Variants in TM4SF4 observed in about 807,000 individuals in gnomAD.
TM4SF4 encodes transmembrane 4 L6 family member 4.
A neutral mutation model predicts 24.1 loss-of-function variants in TM4SF4; 24 were observed. That is an observed-to-expected ratio of 1.00 (90% CI 0.72 to 1.40). The LOEUF (loss-of-function observed/expected upper bound fraction) is 1.40, where lower values mean the gene tolerates loss of function less well. Among genes scored for constraint, TM4SF4 ranks in the 40% most tolerant of loss-of-function variants. The probability of loss-of-function intolerance (pLI) is 0.00; values close to 1 mark genes in which losing one functional copy is unlikely to be tolerated. For synonymous variants in TM4SF4, 113 were observed against 97.0 expected, an observed-to-expected ratio of 1.17 and a Z score of -0.97; for missense variants, 254 against 254.2, an observed-to-expected ratio of 1.00 and a Z score of 0.01.
At chr3:149,480,210 G>A (rs1256768477) in intron 2 of TM4SF4, among the ~76,000 whole-genome samples, 1 of 152,110 alleles carries the variant, frequency 6.6e-6, no homozygotes, top group East Asian at 1.9e-4. Flanking sequence ...TGGCTTCTTG[G>A]CAGCATGTCG....
intron 2 of TM4SF4, among the ~76,000 whole-genome samples, chr3:149,486,324 A>T (rs1254362939): frequency 2.0e-5 from 3 of 152,220 alleles, no homozygotes; most frequent in Non-Finnish European, 4.4e-5. Context: ...GGACACATTC[A>T]TTATGCAAAG....
At chr3:149,475,614 C>G (rs911863214) in intron 1 of TM4SF4, among the ~76,000 whole-genome samples, 12 of 152,196 alleles carry the variant, frequency 7.9e-5, no homozygotes, top group African/African-American at 2.7e-4. Context: ...ATTTTGAAAT[C>G]TTGCCTCATT....
chr3:149,486,768 A>G (rs1217292230), intron 2 of TM4SF4, among the ~76,000 whole-genome samples: 2 of 152,204 alleles, frequency 1.3e-5, no homozygotes, highest in Non-Finnish European at 2.9e-5. Context: ...TGTCAAGGCA[A>G]TCTTCAGATA....
chr3:149,484,959 T>C lies in TM4SF4; in HGVS notation c.265-2660T>C, dbSNP rs191195090. On this transcript the variant is annotated intron_variant, in intron 2 of 4. Coordinates refer to ENST00000305354, the MANE Select transcript of TM4SF4 (RefSeq NM_004617.4). ...TTTTATAATAATTAATAAATATGTG[T>C]TAAGAAAAAATTTTTAACACAATTC... Among the ~76,000 whole-genome samples the C allele has an allele frequency of 3.5e-3, 533 of 152,296 alleles. 5 individuals carry two copies. Among genetic ancestry groups the C allele is most frequent in the African/African-American group, 0.012 (518 of 41,560 alleles).
At chr3:149,487,868 G>T in intron 3 of TM4SF4, 113 bp downstream of exon 3, 9 of 1,429,150 alleles carry the variant, frequency 6.3e-6, no homozygotes, top group Non-Finnish European at 7.6e-6. Context: ...CAAGCCTCAG[G>T]CTCGGTGCTC....
At chr3:149,502,381 T>A (rs904588615) in intron 4 of TM4SF4, among the ~76,000 whole-genome samples, 2 of 152,062 alleles carry the variant, frequency 1.3e-5, no homozygotes, top group African/African-American at 4.8e-5. Context: ...TATTGAAATT[T>A]AAAAAAATTA....
At chr3:149,495,738 C>T in intron 3 of TM4SF4, 1 of 233,222 alleles carries the variant, frequency 4.3e-6, no homozygotes, top group Non-Finnish European at 8.9e-6. Context: ...TCCAAGTTTG[C>T]TGAGCTGAAG....
intron 3 of TM4SF4, among the ~76,000 whole-genome samples, chr3:149,493,571 A>AAAGATGAT (rs1248054588): frequency 6.6e-6 from 1 of 152,230 alleles, no homozygotes; most frequent in African/African-American, 2.4e-5. Context: ...GAGCATTAGG[A>AAAGATGAT]AAGATGATGG....
rs375638813 is a variant in TM4SF4 at position 149,495,564 on chromosome 3, G to A, written c.402-3158G>A. The A allele has an allele frequency of 5.7e-4, 207 of 366,216 alleles. 2 individuals are homozygous for A. The highest frequency in any genetic ancestry group is 5.4e-3 in the South Asian group (199 of 36,652). 22.7% of individuals were successfully genotyped at this position (366,216 alleles called of 1,614,324 possible). ...AAATGTGGGCTTCAGTGTTAAGAAC[G>A]CATCTGTCAAAGATTTTTGTAATGG... On this transcript the variant is annotated intron_variant, in intron 3 of 4. Coordinates refer to ENST00000305354, the MANE Select transcript of TM4SF4 (RefSeq NM_004617.4).
chr3:149,483,538 C>A (rs1204193331), intron 2 of TM4SF4, among the ~76,000 whole-genome samples: 51 of 148,106 alleles, frequency 3.4e-4, no homozygotes, highest in East Asian at 1.4e-3. Flanking sequence ...AAAAAAAAAA[C>A]CAAAAACTTA....
intron 4 of TM4SF4, 86 bp downstream of exon 4, chr3:149,498,997 A>G: frequency 1.4e-6 from 2 of 1,411,844 alleles, no homozygotes; most frequent in African/African-American, 1.4e-5. Flanking sequence ...TCAGGCCACC[A>G]GCACTGAAGG....
chr3:149,481,617 G>T (rs1409733983), intron 2 of TM4SF4, among the ~76,000 whole-genome samples: 7 of 152,128 alleles, frequency 4.6e-5, no homozygotes, highest in Non-Finnish European at 1.0e-4. Context: ...CATGCCCTAA[G>T]GACATGCTTT....
chr3:149,501,484 T>G (rs995913733), intron 4 of TM4SF4, among the ~76,000 whole-genome samples: 1 of 152,210 alleles, frequency 6.6e-6, no homozygotes, highest in Non-Finnish European at 1.5e-5. Flanking sequence ...CTTAATATTT[T>G]CTCACCCTCT....
At chr3:149,477,493 T>TG in intron 2 of TM4SF4, among the ~76,000 whole-genome samples, 1 of 152,352 alleles carries the variant, frequency 6.6e-6, no homozygotes, top group East Asian at 1.9e-4. Context: ...TGAAACAGGA[T>TG]CCTTTTAACA....
intron 2 of TM4SF4, among the ~76,000 whole-genome samples, chr3:149,477,969 G>A (rs1733963687): frequency 6.9e-6 from 1 of 145,356 alleles, no homozygotes; most frequent in African/African-American, 2.5e-5. Flanking sequence ...TGAGTAAAAG[G>A]CTAAAGACTG....
chr3:149,502,476 A>G (rs1386260809), intron 4 of TM4SF4, among the ~76,000 whole-genome samples, 200 bp from the exon 5 acceptor site: 2 of 152,238 alleles, frequency 1.3e-5, no homozygotes, highest in Non-Finnish European at 2.9e-5. Flanking sequence ...AAACAAAATG[A>G]AGCTTCCATT....
intron 3 of TM4SF4, among the ~76,000 whole-genome samples, chr3:149,488,518 G>A (rs906937886): frequency 3.9e-5 from 6 of 152,166 alleles, no homozygotes; most frequent in Admixed American, 3.3e-4. Context: ...GACCAGGACG[G>A]CACTGTTCAG....
At chr3:149,480,043 C>G (rs1020231629) in intron 2 of TM4SF4, among the ~76,000 whole-genome samples, 3 of 152,138 alleles carry the variant, frequency 2.0e-5, no homozygotes, top group Non-Finnish European at 4.4e-5. Flanking sequence ...TGAGGCAGAG[C>G]AAGACTGAAG....
intron 3 of TM4SF4, among the ~76,000 whole-genome samples, chr3:149,490,050 G>A (rs994826016): frequency 6.6e-6 from 1 of 151,936 alleles, no homozygotes; most frequent in Non-Finnish European, 1.5e-5. Context: ...TGATTTATAG[G>A]CTATTTAAGA....
Sources: gnomAD v4.1 joint callset for allele counts (sites outside exome capture counted in the v4.1 genomes callset) on GRCh38, gnomAD v4.1.1 for gene constraint, MANE v1.5 for transcripts, NCBI Gene and HGNC (gene_info 2026-07-23, HGNC 2026-07-21) for gene names.